The following PPP4R4 variants were observed in gnomAD, a reference collection of about 807,000 sequenced individuals.
PPP4R4 encodes serine/threonine-protein phosphatase 4 regulatory subunit 4.
PPP4R4 carries 70 observed loss-of-function variants against 121.8 expected under a neutral mutation model. That is an observed-to-expected ratio of 0.57 (90% CI 0.47 to 0.70). The LOEUF is 0.70. PPP4R4 is among the 30% of genes least tolerant of loss of function. The pLI is 0.00. For synonymous variants in PPP4R4, 348 were observed against 355.7 expected, an observed-to-expected ratio of 0.98 and a Z score of 0.24; for missense variants, 875 against 1,033.6, an observed-to-expected ratio of 0.85 and a Z score of 2.10.
At chr14:94,244,444 T>G (rs1892784876) in intron 11 of PPP4R4, among the ~76,000 whole-genome samples, 191 bp from the exon 12 acceptor site, 1 of 152,234 alleles carries the variant, frequency 6.6e-6, no homozygotes, top group African/African-American at 2.4e-5. Flanking sequence ...CATTCCAGCA[T>G]GTCACGAGGC....
intron 3 of PPP4R4, among the ~76,000 whole-genome samples, chr14:94,219,387 A>C (rs1461217545): frequency 1.3e-5 from 2 of 152,114 alleles, no homozygotes; most frequent in East Asian, 1.9e-4. Flanking sequence ...TATTTAGGTA[A>C]AAGTAATGTG....
intron 3 of PPP4R4, among the ~76,000 whole-genome samples, chr14:94,220,338 G>A (rs1891316449): frequency 6.6e-6 from 1 of 152,152 alleles, no homozygotes; most frequent in African/African-American, 2.4e-5. Flanking sequence ...CCTAAGATCA[G>A]GAAAAGGCCA....
chr14:94,178,787 GTC>G (rs1161221745), intron 2 of PPP4R4, among the ~76,000 whole-genome samples: 8 of 152,150 alleles, frequency 5.3e-5, no homozygotes, highest in Non-Finnish European at 1.2e-4. Flanking sequence ...TTGTGTCTTA[GTC>G]AAAATCATAT....
chr14:94,193,451 G>A (rs1440680595), intron 2 of PPP4R4, among the ~76,000 whole-genome samples: 1 of 152,096 alleles, frequency 6.6e-6, no homozygotes, highest in Non-Finnish European at 1.5e-5. Flanking sequence ...TATAAAATTA[G>A]TATGATAATT....
At chr14:94,192,496 C>T (rs1409228010) in intron 2 of PPP4R4, among the ~76,000 whole-genome samples, 1 of 152,130 alleles carries the variant, frequency 6.6e-6, no homozygotes, top group African/African-American at 2.4e-5. Flanking sequence ...TAACTATCAA[C>T]TATGTAAAGT....
chr14:94,253,396 G>A (rs944517926), intron 16 of PPP4R4, among the ~76,000 whole-genome samples: 2 of 151,870 alleles, frequency 1.3e-5, no homozygotes, highest in Admixed American at 6.6e-5. Context: ...GGAGGTGGAG[G>A]TTGCAGTGAA....
intron 1 of PPP4R4, among the ~76,000 whole-genome samples, 163 bp downstream of exon 1, chr14:94,174,745 C>T (rs1316788062): frequency 6.6e-6 from 1 of 151,998 alleles, no homozygotes; most frequent in African/African-American, 2.4e-5. Context: ...GCCGTGTCGC[C>T]CTAAGCCAGT....
At chr14:94,249,577 A>G (rs1893074570) in intron 14 of PPP4R4, among the ~76,000 whole-genome samples, 1 of 152,106 alleles carries the variant, frequency 6.6e-6, no homozygotes, top group African/African-American at 2.4e-5. Context: ...GGAAAGATAA[A>G]TGGCCATATT....
rs1459029379 is a variant in PPP4R4, at chr14:94,176,763, T to TA, written c.191+638dup. ...CTTGTAGATTGAGCATCTTAAAAAC[T>TA]AATACAGTGAACATGAATGATGTTT... On this transcript the variant is annotated intron_variant, in intron 2 of 24. Transcript: ENST00000304338. Among the ~76,000 whole-genome samples, 3 of 152,348 alleles carry TA rather than the reference T, an allele frequency of 2.0e-5. No individual in the cohort carries two copies. The East Asian group carries it at 5.8e-4, about 29-fold the overall frequency.
intron 2 of PPP4R4, among the ~76,000 whole-genome samples, chr14:94,206,955 G>A (rs527920960): frequency 4.6e-5 from 7 of 152,104 alleles, no homozygotes; most frequent in African/African-American, 1.7e-4. Context: ...AACTTTTGGT[G>A]GTTGTCACCA....
At chr14:94,219,014 T>G (rs1253544061) in intron 3 of PPP4R4, among the ~76,000 whole-genome samples, 5 of 151,370 alleles carry the variant, frequency 3.3e-5, no homozygotes, top group Non-Finnish European at 5.9e-5. Flanking sequence ...TTGAGAGAAT[T>G]AATTATATCA....
intron 2 of PPP4R4, among the ~76,000 whole-genome samples, chr14:94,205,919 C>T (rs565254544): frequency 4.6e-5 from 7 of 151,914 alleles, no homozygotes; most frequent in East Asian, 3.9e-4. Flanking sequence ...ATATATTCTT[C>T]GGGCACTTGA....
rs1893645691 is a variant in PPP4R4, at chr14:94,259,303, A to G, written c.2061A>G (p.Lys687=). 1 of 1,605,938 alleles carries G rather than the reference A, an allele frequency of 6.2e-7. No homozygotes were observed. Among genetic ancestry groups the G allele is most frequent in the Non-Finnish European group, 8.5e-7 (1 of 1,177,480 alleles). ...RMEMSMDAFQ[K]KFYEKDLLDQ... is the part of the protein sequence containing the mutation. ...TTTTAAACTTTAAACAGTTTCAGAAAAAGTTTTATGAGAAAGATTTGTTGG... is the reference window on the plus strand; with the variant it reads ...TTTTAAACTTTAAACAGTTTCAGAAGAAGTTTTATGAGAAAGATTTGTTGG... The change falls in exon 19 of 25, where the codon AAA becomes AAG. Residue 687 remains lysine, a synonymous_variant. Coordinates refer to ENST00000304338, the MANE Select transcript of PPP4R4 (RefSeq NM_058237.2).
rs778824044 is a variant in PPP4R4, at chr14:94,264,915, G to A, written c.2165G>A (p.Arg722Lys). The stretch of plus-strand genomic sequence containing the variant: ...AAAGAAAAGCAACAGAATGATGGAA[G>A]GCCCATGAGTGATAAAATGTTTGAA... ...LEKEKQQNDG[R>K]PMSDKMFEKK... is the part of the protein sequence containing the mutation. The change falls in exon 20 of 25, where the codon AGG (arginine) becomes AAG (lysine). Residue 722 changes from arginine to lysine, a missense_variant. Arg to Lys is a conservative substitution (Grantham distance 26). Coordinates refer to ENST00000304338, the MANE Select transcript of PPP4R4 (RefSeq NM_058237.2). 2.9e-5 allele frequency: 47 copies of A among 1,603,398 alleles called. No homozygotes were observed. Among genetic ancestry groups the A allele is most frequent in the Non-Finnish European group, 3.7e-5 (44 of 1,176,892 alleles).
chr14:94,263,323 T>C (rs895037769), intron 19 of PPP4R4, among the ~76,000 whole-genome samples: 44 of 152,178 alleles, frequency 2.9e-4, no homozygotes, highest in Non-Finnish European at 5.9e-5. Context: ...AAAAACTCTG[T>C]GCTACTCAGT....
intron 2 of PPP4R4, among the ~76,000 whole-genome samples, chr14:94,207,692 A>C (rs1193483328): frequency 1.3e-5 from 2 of 151,576 alleles, no homozygotes; most frequent in African/African-American, 4.8e-5. Context: ...TTTGATATAT[A>C]TATCTATATC....
intron 7 of PPP4R4, 124 bp downstream of exon 7, chr14:94,234,793 G>A (rs1892240229): frequency 4.1e-6 from 3 of 726,060 alleles, no homozygotes; most frequent in Admixed American, 3.0e-5. Context: ...GAGATAAAGA[G>A]GAATGTGCTT....
At chr14:94,271,075 C>T (rs929698348) in intron 23 of PPP4R4, among the ~76,000 whole-genome samples, 1 of 152,098 alleles carries the variant, frequency 6.6e-6, no homozygotes, top group South Asian at 2.1e-4. Context: ...GATGGGTTCA[C>T]TGATAAATTC....
rs759996016 is a variant in PPP4R4 at position 94,265,790 on chromosome 14, C to G, written c.2285-4C>G. The G allele has an allele frequency of 1.3e-6, 2 of 1,589,422 alleles. No individual in the cohort carries two copies. The highest frequency in any genetic ancestry group is 1.7e-6 in the Non-Finnish European group (2 of 1,163,326). ...ATTTTTCTTTTTTCTGCTTATTGCT[C>G]TAGGTAAAGAAATCAAGAAATCCAA... On this transcript the variant is annotated splice_region_variant and splice_polypyrimidine_tract_variant and intron_variant, in intron 21 of 24. Transcript: ENST00000304338.
Sources: gnomAD v4.1 joint callset for allele counts (sites outside exome capture counted in the v4.1 genomes callset) on GRCh38, gnomAD v4.1.1 for gene constraint, MANE v1.5 for transcripts, NCBI Gene and HGNC (gene_info 2026-07-23, HGNC 2026-07-21) for gene names.